Variants in NLE1 observed in about 807,000 individuals in gnomAD.
NLE1 encodes notchless homolog 1.
In NLE1, 37 loss-of-function variants were observed where a neutral mutation model predicts 62.8. The ratio of observed to expected loss-of-function variants is 0.59; its 90% confidence interval spans 0.45 to 0.78. The LOEUF is 0.78. Among genes scored for constraint, NLE1 ranks in the 30% least tolerant of loss-of-function variants. NLE1 has a pLI of 0.00. For synonymous variants in NLE1, 243 were observed against 253.0 expected (o/e 0.96, Z 0.37); for missense variants, 555 against 637.9 (o/e 0.87, Z 1.40).
At position 35,130,037 on chromosome 17, in the gene NLE1, G is replaced by GGTAGGGGTATGGGGGTATAGA. The variant is rs2091867010; in HGVS notation, c.*2379_*2399dup. 1.4e-6 allele frequency: 2 copies of GGTAGGGGTATGGGGGTATAGA among 1,398,560 alleles called. No individual in the cohort carries two copies. The highest frequency in any genetic ancestry group is 2.9e-5 in the African/African-American group (2 of 69,126). 86.6% of individuals were successfully genotyped at this position (1,398,560 alleles called of 1,614,324 possible). ...GAAGAAGGGAACAGCCTGGGTATGG[G>GGTAGGGGTATGGGGGTATAGA]GTAGGGGTATGGGGGTATAGAGGCC... On this transcript the variant is annotated 3_prime_UTR_variant, in exon 13 of 13. Transcript: ENST00000442241.
In NLE1 at chr17:35,136,165, T is replaced by G. The variant is rs769589609; in HGVS notation, c.1011+4A>C. 1 of 1,613,948 alleles carries G rather than the reference T, an allele frequency of 6.2e-7. No individual in the cohort carries two copies. Among genetic ancestry groups the G allele is most frequent in the African/African-American group, 1.3e-5 (1 of 74,896 alleles). On this transcript the variant is annotated splice_donor_region_variant and intron_variant, in intron 9 of 12. Transcript: ENST00000442241. The stretch of plus-strand genomic sequence containing the variant: ...AGGGGTGCACGTGGCTGGCACACAC[T>G]CACCCGCACGAGGTTGTATCGGCTC...
Position 35,130,450 on chromosome 17 carries a change from G to T in NLE1, c.*1987C>A, listed in dbSNP as rs767016976. 7.4e-6 allele frequency: 12 copies of T among 1,610,790 alleles called. No homozygotes were observed. The African/African-American group carries it at 1.6e-4, about 22-fold the overall frequency. On this transcript the variant is annotated 3_prime_UTR_variant, in exon 13 of 13. Coordinates refer to ENST00000442241, the MANE Select transcript of NLE1 (RefSeq NM_018096.5). ...TCCCTGTTAAGGGGGAGGGCCCCAGGACACCCCTCACCTACTTTCAGCTTC... is the reference window on the plus strand; with the variant it reads ...TCCCTGTTAAGGGGGAGGGCCCCAGTACACCCCTCACCTACTTTCAGCTTC...
chr17:35,129,329 G>A lies in NLE1; in HGVS notation c.*3108C>T. 5 of 1,498,758 alleles carry A rather than the reference G, an allele frequency of 3.3e-6. No individual in the cohort carries two copies. The highest frequency in any genetic ancestry group is 2.5e-5 in the South Asian group (2 of 79,180). The allele number at this position is 1,498,758 out of a possible 1,614,324, so 92.8% of individuals were successfully genotyped here. On this transcript the variant is annotated 3_prime_UTR_variant, in exon 13 of 13. Transcript: ENST00000442241. ...CTGGGCCCCAGCAGGAGCAGGGGATGGGCATGGGACGTCCTGACCCCAGTT... is the reference window on the plus strand; with the variant it reads ...CTGGGCCCCAGCAGGAGCAGGGGATAGGCATGGGACGTCCTGACCCCAGTT...
Position 35,136,216 on chromosome 17 carries a change from C to CTG in NLE1, c.965-3_965-2dup, listed in dbSNP as rs1484327338. Reference sequence around the variant, plus strand: ...AGAGCCCTCTCCTTCAACTCCTGCACTGTGACCAGGTACCGGAGGGGAGAA... The same window carrying CTG: ...AGAGCCCTCTCCTTCAACTCCTGCACTGTGTGACCAGGTACCGGAGGGGAGAA... On this transcript the variant is annotated splice_acceptor_variant, in intron 8 of 12. Transcript: ENST00000442241. LOFTEE classifies it high-confidence loss of function. 2 of 1,614,126 alleles carry CTG rather than the reference C, an allele frequency of 1.2e-6. No homozygotes were observed. Among genetic ancestry groups the CTG allele is most frequent in the Non-Finnish European group, 1.7e-6 (2 of 1,179,986 alleles).
intron 5 of NLE1, 61 bp from the exon 6 acceptor site, chr17:35,137,701 C>T (rs1200430743): frequency 1.4e-5 from 22 of 1,522,482 alleles, no homozygotes; most frequent in African/African-American, 4.1e-5. Flanking sequence ...CACCAAAATC[C>T]CTGCCTACCA....
chr17:35,133,589 C>T, intron 10 of NLE1, 91 bp from the exon 11 acceptor site: 1 of 1,224,146 alleles, frequency 8.2e-7, no homozygotes, highest in Non-Finnish European at 1.1e-6. Flanking sequence ...CAGTGGTTCT[C>T]AACCTCGGCT....
chr17:35,132,191 A>G lies in NLE1; in HGVS notation c.*246T>C, dbSNP rs576485748. 8.4e-6 allele frequency: 3 copies of G among 359,120 alleles called. No homozygotes were observed. Among genetic ancestry groups the G allele is most frequent in the Non-Finnish European group, 1.5e-5 (3 of 200,226 alleles). The allele number at this position is 359,120 out of a possible 1,614,324, so 22.2% of individuals were successfully genotyped here. ...CTGTACCAGCAAGGTACAGAGTAGC[A>G]GACACGGGCCAAGTTCAGTGACAAC... On this transcript the variant is annotated 3_prime_UTR_variant, in exon 13 of 13. Coordinates refer to ENST00000442241, the MANE Select transcript of NLE1 (RefSeq NM_018096.5).
chr17:35,129,614 G>A lies in NLE1; in HGVS notation c.*2823C>T, dbSNP rs1390223354. The A allele has an allele frequency of 1.2e-6, 2 of 1,614,058 alleles. No individual in the cohort carries two copies. The highest frequency in any genetic ancestry group is 4.5e-5 in the East Asian group (2 of 44,898). ...CACGTGTTACTGCCTCAGTGTCCGTGCAGCCAACACAGCTGGGGTGGGGAA... is the reference window on the plus strand; with the variant it reads ...CACGTGTTACTGCCTCAGTGTCCGTACAGCCAACACAGCTGGGGTGGGGAA... On this transcript the variant is annotated 3_prime_UTR_variant, in exon 13 of 13. Coordinates refer to ENST00000442241, the MANE Select transcript of NLE1 (RefSeq NM_018096.5).
In NLE1 at chr17:35,130,587, G is replaced by A. The variant is rs546727046; in HGVS notation, c.*1850C>T. 5.1e-6 allele frequency: 4 copies of A among 790,538 alleles called. No homozygotes were observed. The African/African-American group carries it at 7.0e-5, about 14-fold the overall frequency. 49.0% of individuals were successfully genotyped at this position (790,538 alleles called of 1,614,324 possible). A position where few individuals can be genotyped will look rare whatever the true frequency, so the allele number is the denominator to read the frequency against. ...CACCCCACCCCTGGGCTGGGGCCAA[G>A]GCTACATAGGGGCCCCATTCACCTG... On this transcript the variant is annotated 3_prime_UTR_variant, in exon 13 of 13. Coordinates refer to ENST00000442241, the MANE Select transcript of NLE1 (RefSeq NM_018096.5).
In NLE1 at chr17:35,139,323, GAA is replaced by G. The variant is rs1298924624; in HGVS notation, c.381-11_381-10del. On this transcript the variant is annotated splice_polypyrimidine_tract_variant and intron_variant, in intron 3 of 12. Transcript: ENST00000442241. ...AGCCACTGGCCAGGTACCTGGGGAA[GAA>G]GAGAGGATGCTTGACACTGCACATG... 6.2e-7 allele frequency: 1 copy of G among 1,612,364 alleles called. No homozygotes were observed.
chr17:35,137,667 T>A (rs1235313259), intron 5 of NLE1, 27 bp from the exon 6 acceptor site: 5 of 1,590,554 alleles, frequency 3.1e-6, no homozygotes, highest in Admixed American at 1.7e-5. Flanking sequence ...CACTGAATAA[T>A]CCTCCCCAAC....
chr17:35,140,354 G>A (rs534799506), intron 2 of NLE1, among the ~76,000 whole-genome samples: 12 of 152,000 alleles, frequency 7.9e-5, no homozygotes, highest in African/African-American at 2.7e-4. Flanking sequence ...TCAGCCTCCC[G>A]AGTAGCTGGG....
Position 35,130,134 on chromosome 17 carries a change from C to T in NLE1, c.*2303G>A, listed in dbSNP as rs1405162710. Reference sequence around the variant, plus strand: ...TACAGGCTTGAGTCATGCATCTTTGCACCTGTTTCCTGCGTCAATGGCTAG... The same window carrying T: ...TACAGGCTTGAGTCATGCATCTTTGTACCTGTTTCCTGCGTCAATGGCTAG... On this transcript the variant is annotated 3_prime_UTR_variant, in exon 13 of 13. Transcript: ENST00000442241. 1.4e-6 allele frequency: 2 copies of T among 1,445,680 alleles called. No individual in the cohort carries two copies. The highest frequency in any genetic ancestry group is 1.8e-6 in the Non-Finnish European group (2 of 1,104,314). The allele number at this position is 1,445,680 out of a possible 1,614,324, so 89.6% of individuals were successfully genotyped here.
chr17:35,130,489 C>T lies in NLE1; in HGVS notation c.*1948G>A. ...ACTTTCAGCTTCAACCCCAGGCCCT[C>T]AGAAACCAGAGCCATGAGACCTACC... On this transcript the variant is annotated 3_prime_UTR_variant, in exon 13 of 13. Transcript: ENST00000442241. 2 of 1,566,780 alleles carry T rather than the reference C, an allele frequency of 1.3e-6. No homozygotes were observed. Among genetic ancestry groups the T allele is most frequent in the Middle Eastern group, 1.9e-4 (1 of 5,400 alleles).
At position 35,129,880 on chromosome 17, in the gene NLE1, A is replaced by T. The variant is rs1024096495; in HGVS notation, c.*2557T>A. 7.1e-7 allele frequency: 1 copy of T among 1,414,018 alleles called. No homozygotes were observed. The highest frequency in any genetic ancestry group is 9.2e-7 in the Non-Finnish European group (1 of 1,087,392). 87.6% of individuals were successfully genotyped at this position (1,414,018 alleles called of 1,614,324 possible). A position where few individuals can be genotyped will look rare whatever the true frequency, so the allele number is the denominator to read the frequency against. Reference sequence around the variant, plus strand: ...AGGAATGCAAACGAATGTATTTTTCAACATCACTATAATGTTCCCCTTCCA... The same window carrying T: ...AGGAATGCAAACGAATGTATTTTTCTACATCACTATAATGTTCCCCTTCCA... On this transcript the variant is annotated 3_prime_UTR_variant, in exon 13 of 13. Coordinates refer to ENST00000442241, the MANE Select transcript of NLE1 (RefSeq NM_018096.5).
rs145009526 is a variant in NLE1 at position 35,137,783 on chromosome 17, T to G, written c.537+31A>C. 215 of 1,573,442 alleles carry G rather than the reference T, an allele frequency of 1.4e-4. 2 individuals carry two copies. The East Asian group carries it at 4.8e-3, about 35-fold the overall frequency. On this transcript the variant is annotated intron_variant, in intron 5 of 12. Transcript: ENST00000442241. ...TGTCTCCTAGGAAGGCCCCCTTGAGTCTCTGCCTAGTTACCCTGAGAACTA... is the reference window on the plus strand; with the variant it reads ...TGTCTCCTAGGAAGGCCCCCTTGAGGCTCTGCCTAGTTACCCTGAGAACTA...
chr17:35,130,228 A>G lies in NLE1; in HGVS notation c.*2209T>C. 1 of 1,587,916 alleles carries G rather than the reference A, an allele frequency of 6.3e-7. No homozygotes were observed. The highest frequency in any genetic ancestry group is 8.6e-7 in the Non-Finnish European group (1 of 1,166,104). On this transcript the variant is annotated 3_prime_UTR_variant, in exon 13 of 13. Coordinates refer to ENST00000442241, the MANE Select transcript of NLE1 (RefSeq NM_018096.5). ...AAAGGGGTGATAGAGACAGAGAGAG[A>G]GCCAGGTTCAGATCTGGGAAGGAAC...
rs2091947190 is a variant in NLE1 at position 35,141,994 on chromosome 17, G to C, written c.147C>G (p.Asn49Lys). Residue 49 changes from asparagine (N) to lysine (K), a missense_variant, in exon 2 of 13, where the codon AAC becomes AAG. Coordinates refer to ENST00000442241, the MANE Select transcript of NLE1 (RefSeq NM_018096.5). ...AGCCACTTACCTGGGCCAGTAGCGC[G>C]TTGCACACGAGCTGCAGCCTGTCCG... ...ITPDRLQLVCNALLAQEDPLP... is the reference protein window; with the variant it reads ...ITPDRLQLVCKALLAQEDPLP... 1.3e-6 allele frequency: 2 copies of C among 1,591,222 alleles called. No individual in the cohort carries two copies. Among genetic ancestry groups the C allele is most frequent in the Non-Finnish European group, 1.7e-6 (2 of 1,170,274 alleles).
At position 35,136,478 on chromosome 17, in the gene NLE1, A is replaced by G. The variant is rs2091909498; in HGVS notation, c.848T>C (p.Leu283Pro). The change falls in exon 8 of 13, where the codon CTG (leucine) becomes CCG (proline). Residue 283 changes from leucine to proline, a missense_variant. Physicochemically the swap from Leu to Pro is moderately conservative, Grantham distance 98. Transcript: ENST00000442241. ...RAHDGVLCRT[L>P]QGHGHWVNTM... ...GTTCACCCAGTGGCCGTGGCCTTGC[A>G]GAGTCCGGCACAGCACACCCTACGG... is the stretch of plus-strand genomic sequence containing the variant. 6.2e-7 allele frequency: 1 copy of G among 1,613,946 alleles called. No individual in the cohort carries two copies. Among genetic ancestry groups the G allele is most frequent in the African/African-American group, 1.3e-5 (1 of 75,050 alleles).
Sources: allele counts gnomAD v4.1 joint callset (sites outside exome capture counted in the v4.1 genomes callset), GRCh38; gene constraint gnomAD v4.1.1; transcripts MANE v1.5; gene names NCBI Gene and HGNC (gene_info 2026-07-23, HGNC 2026-07-21).